Variants in ADGRV1 observed in about 807,000 individuals in gnomAD.
ADGRV1 encodes the protein adhesion G protein-coupled receptor V1.
A neutral mutation model predicts 596.2 loss-of-function variants in ADGRV1; 359 were observed. That is an observed-to-expected ratio of 0.60 (90% CI 0.55 to 0.66). The LOEUF is 0.66. Among genes scored for constraint, ADGRV1 ranks in the 30% least tolerant of loss-of-function variants. ADGRV1 has a pLI of 0.00. For missense variants in ADGRV1, 7,274 were observed against 7,575.6 expected, an observed-to-expected ratio of 0.96 and a Z score of 1.48; for synonymous variants, 2,681 against 2,679.2, an observed-to-expected ratio of 1.00 and a Z score of -0.02.
chr5:90,984,253 C>G (rs983383546), intron 84 of ADGRV1, among the ~76,000 whole-genome samples: 2 of 152,162 alleles, frequency 1.3e-5, no homozygotes, highest in Non-Finnish European at 2.9e-5. Context: ...CATACTCACA[C>G]TCTTTCTACC....
In ADGRV1 at chr5:90,642,882, C is replaced by T. The variant is rs986521082; in HGVS notation, c.2394C>T (p.Ile798=). ...IKEGESVELH[I]IRSRGSLVKQ... Reference sequence around the variant, plus strand: ...AAGGAGAATCTGTAGAGCTCCACATCATCCGATCAAGGGGGTCCCTTGTTA... The same window carrying T: ...AAGGAGAATCTGTAGAGCTCCACATTATCCGATCAAGGGGGTCCCTTGTTA... Residue 798 remains isoleucine (I), a synonymous_variant, in exon 13 of 90, where the codon ATC becomes ATT. Transcript: ENST00000405460. 3.1e-6 allele frequency: 5 copies of T among 1,608,458 alleles called. No individual in the cohort carries two copies. Among genetic ancestry groups the T allele is most frequent in the Non-Finnish European group, 4.2e-6 (5 of 1,177,426 alleles).
At position 90,763,320 on chromosome 5, in the gene ADGRV1, T is replaced by C; in HGVS notation, c.12136T>C (p.Ser4046Pro). 1 of 1,575,058 alleles carries C rather than the reference T, an allele frequency of 6.3e-7. No homozygotes were observed. Among genetic ancestry groups the C allele is most frequent in the Non-Finnish European group, 8.7e-7 (1 of 1,153,988 alleles). Residue 4046 changes from serine (S) to proline (P), a missense_variant, in exon 59 of 90, where the codon TCC becomes CCC. By Grantham distance (74) the Ser-to-Pro change is moderately conservative. Around this residue, in one of 5 missense-constraint regions of ADGRV1, gnomAD observed 3,643 missense variants for 3,809.2 expected, o/e 0.96. Transcript: ENST00000405460. ...FEEKTVMIDE[S>P]LSSDDPDSYV... ...CTTCTTTCAGGTAATGATTGATGAATCCCTTTCATCCGATGACCCTGATTC... is the reference window on the plus strand; with the variant it reads ...CTTCTTTCAGGTAATGATTGATGAACCCCTTTCATCCGATGACCCTGATTC...
chr5:90,781,390 G>A (rs942767494), intron 64 of ADGRV1, 40 bp from the exon 65 acceptor site: 6 of 1,441,076 alleles, frequency 4.2e-6, no homozygotes, highest in Non-Finnish European at 5.8e-6. Context: ...TTTTGTTGTT[G>A]TTGTATTTTA....
At chr5:91,158,292 A>G (rs1796637775) in intron 89 of ADGRV1, among the ~76,000 whole-genome samples, 1 of 152,216 alleles carries the variant, frequency 6.6e-6, no homozygotes, top group African/African-American at 2.4e-5. Flanking sequence ...TTCAACAGCC[A>G]TTCTTTTTAA....
chr5:90,565,827 T>C (rs2151946125), intron 1 of ADGRV1, among the ~76,000 whole-genome samples: 1 of 152,280 alleles, frequency 6.6e-6, no homozygotes, highest in Non-Finnish European at 1.5e-5. Context: ...AGTTTTGATT[T>C]CTCTCTGTCT....
chr5:90,689,309 G>A (rs1223844236), intron 29 of ADGRV1, among the ~76,000 whole-genome samples: 1 of 147,042 alleles, frequency 6.8e-6, no homozygotes, highest in African/African-American at 2.5e-5. Context: ...TTCACATGAA[G>A]CACCCCTCCT....
In ADGRV1 at chr5:90,712,312, G is replaced by T. The variant is rs1426031335; in HGVS notation, c.9068G>T (p.Arg3023Met). Residue 3023 changes from arginine to methionine, a missense_variant, in exon 42 of 90, where the codon AGG becomes ATG. By Grantham distance (91) the Arg-to-Met change is moderately conservative. This residue lies in a region of ADGRV1 where 3,643 missense variants were observed against 3,809.2 expected (regional missense o/e 0.96). Coordinates refer to ENST00000405460, the MANE Select transcript of ADGRV1 (RefSeq NM_032119.4). Reference protein sequence around the residue: ...PMILHFADGERYKNVNIMILD... With the variant: ...PMILHFADGEMYKNVNIMILD... The stretch of plus-strand genomic sequence containing the variant: ...ATTCTTCATTTTGCTGATGGAGAAA[G>T]GTATAAAAATGTCAATATCATGATT... 1.9e-6 allele frequency: 3 copies of T among 1,548,706 alleles called. No individual in the cohort carries two copies. Among genetic ancestry groups the T allele is most frequent in the Admixed American group, 1.9e-5 (1 of 51,700 alleles).
chr5:90,833,120 A>G (rs995820907), intron 77 of ADGRV1, among the ~76,000 whole-genome samples: 1 of 151,700 alleles, frequency 6.6e-6, no homozygotes, highest in African/African-American at 2.4e-5. Flanking sequence ...TATTTTTCCT[A>G]TTTCTGTGAA....
intron 83 of ADGRV1, among the ~76,000 whole-genome samples, chr5:90,940,549 G>C (rs57954532): frequency 0.12 from 18,437 of 152,158 alleles, 1,114 homozygotes; most frequent in East Asian, 0.17. Flanking sequence ...GTGGTGTTTT[G>C]TACCAGGTAT....
chr5:91,134,337 A>G (rs1794458507), intron 87 of ADGRV1, among the ~76,000 whole-genome samples: 1 of 152,018 alleles, frequency 6.6e-6, no homozygotes. Context: ...ATAGGCATGC[A>G]CCACTACGCC....
At chr5:91,009,151 A>G (rs1782526858) in intron 85 of ADGRV1, among the ~76,000 whole-genome samples, 2 of 152,170 alleles carry the variant, frequency 1.3e-5, no homozygotes, top group Admixed American at 1.3e-4. Flanking sequence ...ACTGTTGATC[A>G]TTCCCTGAGT....
At chr5:90,724,297 T>A (rs1302042341) in intron 45 of ADGRV1, among the ~76,000 whole-genome samples, 1 of 151,956 alleles carries the variant, frequency 6.6e-6, no homozygotes, top group Non-Finnish European at 1.5e-5. Flanking sequence ...TGGCACTATC[T>A]CGGCTCACTA....
chr5:90,716,814 A>C, intron 43 of ADGRV1, 85 bp downstream of exon 43: 1 of 980,976 alleles, frequency 1.0e-6, no homozygotes, highest in Non-Finnish European at 1.5e-6. Context: ...CTCAAGTCCT[A>C]GAATGAAAAA....
At chr5:90,694,738 G>A (rs1365899999) in intron 33 of ADGRV1, 37 bp downstream of exon 33, 2 of 1,492,130 alleles carry the variant, frequency 1.3e-6, no homozygotes, top group Non-Finnish European at 1.8e-6. Context: ...CGTTGCCCCA[G>A]TAAAGTCATC....
intron 29 of ADGRV1, among the ~76,000 whole-genome samples, chr5:90,686,521 A>C (rs1745671880): frequency 6.6e-6 from 1 of 152,024 alleles, no homozygotes; most frequent in Non-Finnish European, 1.5e-5. Context: ...AATTTCATCC[A>C]TGTCCCTACA....
intron 83 of ADGRV1, among the ~76,000 whole-genome samples, chr5:90,891,236 A>G (rs1770791920): frequency 2.7e-5 from 4 of 149,708 alleles, no homozygotes; most frequent in Admixed American, 2.7e-4. Context: ...TTTTGATTAG[A>G]CATACTTTTG....
chr5:91,121,153 A>G (rs1246599053), intron 87 of ADGRV1, among the ~76,000 whole-genome samples: 1 of 152,198 alleles, frequency 6.6e-6, no homozygotes, highest in African/African-American at 2.4e-5. Flanking sequence ...TAGGCCGGGC[A>G]ACAGAATAAG....
In ADGRV1 at chr5:90,808,667, G is replaced by A. The variant is rs1198707298; in HGVS notation, c.14972+930G>A. Among the ~76,000 whole-genome samples, 5 of 152,174 alleles carry A rather than the reference G, an allele frequency of 3.3e-5. No individual in the cohort carries two copies. The East Asian group carries it at 9.7e-4, about 29-fold the overall frequency. ...CCCAACACTTTGGGAGGCCACAGCA[G>A]GCAGATCACCTGAGGTTAGGAACTC... is the stretch of plus-strand genomic sequence containing the variant. On this transcript the variant is annotated intron_variant, in intron 73 of 89. Coordinates refer to ENST00000405460, the MANE Select transcript of ADGRV1 (RefSeq NM_032119.4).
intron 86 of ADGRV1, among the ~76,000 whole-genome samples, chr5:91,087,463 A>AT (rs556983309): frequency 0.042 from 6,038 of 143,446 alleles, 153 homozygotes; most frequent in Non-Finnish European, 0.06. Flanking sequence ...TGCCCGGCTA[A>AT]TTTTTTTTTT....
Sources: allele counts gnomAD v4.1 joint callset (sites outside exome capture counted in the v4.1 genomes callset), GRCh38; gene constraint gnomAD v4.1.1; regional missense constraint gnomAD v4.1.1; transcripts MANE v1.5; gene names NCBI Gene and HGNC (gene_info 2026-07-23, HGNC 2026-07-21).